Variants in DLGAP2 observed in about 807,000 individuals in gnomAD.
The protein encoded by DLGAP2 is disks large-associated protein 2.
DLGAP2 carries 26 observed loss-of-function variants against 100.3 expected under a neutral mutation model. That is an observed-to-expected ratio of 0.26 (90% CI 0.19 to 0.36). DLGAP2 has a LOEUF of 0.36. Among genes scored for constraint, DLGAP2 ranks in the 10% least tolerant of loss-of-function variants. DLGAP2 has a pLI of 1.00. For missense variants in DLGAP2, 1,858 were observed against 1,453.2 expected (o/e 1.28, Z -4.53); for synonymous variants, 886 against 630.1 (o/e 1.41, Z -6.08).
At chr8:1,219,155 A>G (rs966537716) in intron 2 of DLGAP2, among the ~76,000 whole-genome samples, 7 of 152,150 alleles carry the variant, frequency 4.6e-5, no homozygotes, top group Non-Finnish European at 8.8e-5. Flanking sequence ...TTCCAGTACT[A>G]TGTTGAATAG....
intron 2 of DLGAP2, among the ~76,000 whole-genome samples, chr8:1,004,478 T>C (rs552819452): frequency 6.6e-6 from 1 of 152,228 alleles, no homozygotes; most frequent in Non-Finnish European, 1.5e-5. Context: ...TGGAGTATTA[T>C]ATTCAAAATA....
intron 8 of DLGAP2, among the ~76,000 whole-genome samples, chr8:1,633,720 G>C (rs532661714): frequency 6.6e-6 from 1 of 152,218 alleles, no homozygotes; most frequent in South Asian, 2.1e-4. Context: ...ATAAAAGCTC[G>C]AGGCGCCGCA....
chr8:1,475,637 C>T (rs1269071697), intron 3 of DLGAP2, among the ~76,000 whole-genome samples: 1 of 152,124 alleles, frequency 6.6e-6, no homozygotes, highest in Non-Finnish European at 1.5e-5. Flanking sequence ...AGGAACATTG[C>T]TTGTCATCCC....
chr8:1,105,169 T>G (rs1009148506), intron 2 of DLGAP2: 5 of 152,228 alleles, frequency 3.3e-5, no homozygotes, highest in African/African-American at 1.2e-4. Flanking sequence ...AGTGATGATG[T>G]GTCATTGATT....
At chr8:1,506,204 T>TC (rs1321186404) in intron 4 of DLGAP2, among the ~76,000 whole-genome samples, 1 of 152,236 alleles carries the variant, frequency 6.6e-6, no homozygotes, top group Non-Finnish European at 1.5e-5. Flanking sequence ...TCACAGGAAT[T>TC]CCCCTTGGGA....
chr8:785,388 GACC>G (rs1821819617), intron 1 of DLGAP2, among the ~76,000 whole-genome samples: 1 of 149,958 alleles, frequency 6.7e-6, no homozygotes. Context: ...GCCCCTCTGA[GACC>G]GGCTTCTCTC....
At chr8:1,230,172 C>G (rs538955383) in intron 2 of DLGAP2, among the ~76,000 whole-genome samples, 7 of 152,116 alleles carry the variant, frequency 4.6e-5, no homozygotes, top group African/African-American at 1.2e-4. Flanking sequence ...AAAATTTCAG[C>G]ATACAAAATC....
chr8:1,011,819 A>G (rs920344569), intron 2 of DLGAP2, among the ~76,000 whole-genome samples: 2 of 152,154 alleles, frequency 1.3e-5, no homozygotes, highest in African/African-American at 4.8e-5. Flanking sequence ...CTCAGTCTGC[A>G]CAGTGGGCCC....
chr8:1,031,052 C>G (rs935160281), intron 2 of DLGAP2, among the ~76,000 whole-genome samples: 1 of 152,184 alleles, frequency 6.6e-6, no homozygotes, highest in Non-Finnish European at 1.5e-5. Context: ...GGTCTTCTGC[C>G]TCCACTCTGT....
chr8:1,601,847 T>G (rs971731980), intron 6 of DLGAP2, among the ~76,000 whole-genome samples: 1 of 152,184 alleles, frequency 6.6e-6, no homozygotes, highest in Non-Finnish European at 1.5e-5. Context: ...CATTGAGATA[T>G]CAGCTTAAAT....
chr8:1,274,389 A>G (rs1038324682), intron 3 of DLGAP2, among the ~76,000 whole-genome samples: 1 of 152,068 alleles, frequency 6.6e-6, no homozygotes, highest in Non-Finnish European at 1.5e-5. Flanking sequence ...GCCAACATGT[A>G]TAAGAATATA....
intron 2 of DLGAP2, among the ~76,000 whole-genome samples, chr8:1,113,646 G>C (rs977745828): frequency 1.3e-5 from 2 of 152,086 alleles, no homozygotes; most frequent in Admixed American, 1.3e-4. Context: ...TCTACAAACA[G>C]GGGTACTTTG....
chr8:942,030 G>C (rs1358743941), intron 2 of DLGAP2, among the ~76,000 whole-genome samples: 1 of 152,084 alleles, frequency 6.6e-6, no homozygotes, highest in Non-Finnish European at 1.5e-5. Context: ...GCTCTCTGTT[G>C]TCCAGGCTGG....
At chr8:989,923 T>A (rs1285639979) in intron 2 of DLGAP2, among the ~76,000 whole-genome samples, 1 of 152,136 alleles carries the variant, frequency 6.6e-6, no homozygotes, top group African/African-American at 2.4e-5. Flanking sequence ...AATTGTAATT[T>A]GCATGCAGTG....
intron 2 of DLGAP2, among the ~76,000 whole-genome samples, chr8:1,233,325 A>T (rs62486940): frequency 0.11 from 16,773 of 152,266 alleles, 1,062 homozygotes; most frequent in South Asian, 0.17. Context: ...ATATTTACAG[A>T]GATGAGTCAG....
At chr8:1,647,803 A>G (rs1364807503) in intron 8 of DLGAP2, among the ~76,000 whole-genome samples, 1 of 152,118 alleles carries the variant, frequency 6.6e-6, no homozygotes, top group African/African-American at 2.4e-5. Context: ...CCAGAGATTT[A>G]TCTCTCACAG....
intron 2 of DLGAP2, among the ~76,000 whole-genome samples, chr8:1,222,945 G>A (rs908896468): frequency 1.2e-4 from 19 of 152,156 alleles, no homozygotes; most frequent in African/African-American, 4.3e-4. Flanking sequence ...AAGCCACCTA[G>A]AGGAGTGTGG....
intron 3 of DLGAP2, among the ~76,000 whole-genome samples, chr8:1,474,702 C>T (rs1030940950): frequency 6.6e-6 from 1 of 152,028 alleles, no homozygotes; most frequent in Non-Finnish European, 1.5e-5. Flanking sequence ...TCAAAAATGG[C>T]TTTTGTTAAA....
chr8:1,565,149 T>C (rs1802345940), intron 5 of DLGAP2, among the ~76,000 whole-genome samples: 1 of 152,222 alleles, frequency 6.6e-6, no homozygotes, highest in African/African-American at 2.4e-5. Context: ...TCAGGTGGAA[T>C]GTGATGTGGC....
Sources: allele counts gnomAD v4.1 joint callset (sites outside exome capture counted in the v4.1 genomes callset), GRCh38; gene constraint gnomAD v4.1.1; transcripts MANE v1.5; gene names NCBI Gene and HGNC (gene_info 2026-07-23, HGNC 2026-07-21).